Variants in LRP1B observed in about 807,000 individuals in gnomAD.
The protein encoded by LRP1B is low-density lipoprotein receptor-related protein 1B.
In LRP1B, 217 loss-of-function variants were observed where a neutral mutation model predicts 556.6. The observed-to-expected ratio is 0.39, with a 90% confidence interval of 0.35 to 0.44. LRP1B has a LOEUF of 0.44. Among genes scored for constraint, LRP1B ranks in the 20% least tolerant of loss-of-function variants. LRP1B has a pLI of 1.00. For synonymous variants in LRP1B, 2,047 were observed against 1,865.8 expected, an observed-to-expected ratio of 1.10 and a Z score of -2.50; for missense variants, 5,053 against 5,620.8, an observed-to-expected ratio of 0.90 and a Z score of 3.23.
chr2:141,449,084 C>T (rs1681308953), intron 3 of LRP1B, among the ~76,000 whole-genome samples: 1 of 152,166 alleles, frequency 6.6e-6, no homozygotes, highest in Non-Finnish European at 1.5e-5. Context: ...TGAAATCTTC[C>T]TTTCCTTAAC....
chr2:140,327,963 CCCT>C (rs1388371147), intron 79 of LRP1B, among the ~76,000 whole-genome samples: 5 of 151,832 alleles, frequency 3.3e-5, no homozygotes, highest in Admixed American at 1.3e-4. Flanking sequence ...TTCTATTAAG[CCCT>C]TTAATAAAAG....
At chr2:141,992,136 T>C (rs1702362754) in intron 1 of LRP1B, among the ~76,000 whole-genome samples, 1 of 152,078 alleles carries the variant, frequency 6.6e-6, no homozygotes, top group South Asian at 2.1e-4. Flanking sequence ...TACTGTATTG[T>C]TTTCATTTGT....
rs369966246 is a variant in LRP1B, at chr2:140,352,967, G to A, written c.11636C>T (p.Thr3879Ile). 6.2e-7 allele frequency: 1 copy of A among 1,611,980 alleles called. No individual in the cohort carries two copies. The highest frequency in any genetic ancestry group is 2.2e-5 in the East Asian group (1 of 44,582). The change falls in exon 76 of 91, where the codon ACC (threonine) becomes ATC (isoleucine). Residue 3879 changes from threonine (T) to isoleucine (I), a missense_variant. Thr to Ile is a moderately conservative substitution (Grantham distance 89). Transcript: ENST00000389484. ...CDQNFQERNN[T>I]CIAEGSEDQV... is the part of the protein sequence containing the mutation. ...TATAATCTTACCTTCTGCTATGCAG[G>A]TGTTATTTCTTTCTTGAAAATTCTG...
At chr2:140,594,777 A>C (rs988554336) in intron 43 of LRP1B, among the ~76,000 whole-genome samples, 1 of 152,038 alleles carries the variant, frequency 6.6e-6, no homozygotes, top group Non-Finnish European at 1.5e-5. Context: ...ATGCAAAATA[A>C]ATGTTCCCTT....
intron 7 of LRP1B, among the ~76,000 whole-genome samples, chr2:141,076,678 A>AT (rs750913863): frequency 6.6e-6 from 1 of 152,200 alleles, no homozygotes; most frequent in African/African-American, 2.4e-5. Context: ...TATTAGAAAC[A>AT]TTTTTTAACC....
At chr2:140,599,077 T>C (rs144311429) in intron 42 of LRP1B, among the ~76,000 whole-genome samples, 1 of 152,230 alleles carries the variant, frequency 6.6e-6, no homozygotes, top group African/African-American at 2.4e-5. Flanking sequence ...TGTGTATTCC[T>C]TCAAATGATA....
chr2:141,859,599 T>C (rs1320814570), intron 1 of LRP1B, among the ~76,000 whole-genome samples: 2 of 152,204 alleles, frequency 1.3e-5, no homozygotes, highest in African/African-American at 2.4e-5. Flanking sequence ...AGGGAAACTA[T>C]AGCTAACAAT....
chr2:142,021,837 A>C (rs6429943), intron 1 of LRP1B, among the ~76,000 whole-genome samples: 147,081 of 152,178 alleles, frequency 0.97, 71,104 homozygotes, highest in East Asian at 1. Context: ...AAAAAATATA[A>C]TATTTTTGCA....
chr2:142,124,419 T>C (rs1707566538), intron 1 of LRP1B, among the ~76,000 whole-genome samples: 1 of 151,930 alleles, frequency 6.6e-6, no homozygotes, highest in South Asian at 2.1e-4. Flanking sequence ...AAAATTATTA[T>C]AGTCATATTT....
chr2:141,611,071 G>C (rs1031703246), intron 2 of LRP1B, among the ~76,000 whole-genome samples: 1 of 152,166 alleles, frequency 6.6e-6, no homozygotes, highest in African/African-American at 2.4e-5. Context: ...ATCTCTAGCT[G>C]CTAGAATCAA....
intron 1 of LRP1B, among the ~76,000 whole-genome samples, chr2:142,124,397 T>C (rs1707565650): frequency 6.6e-6 from 1 of 151,966 alleles, no homozygotes; most frequent in South Asian, 2.1e-4. Context: ...TAAGTTAATG[T>C]GACTGCATAT....
intron 66 of LRP1B, among the ~76,000 whole-genome samples, chr2:140,390,102 C>T (rs35724602): frequency 1.5e-4 from 23 of 151,810 alleles, no homozygotes; most frequent in African/African-American, 5.6e-4. Flanking sequence ...GCACTCCAGC[C>T]TAGGTGACAA....
chr2:141,496,499 C>T (rs536403623), intron 2 of LRP1B, among the ~76,000 whole-genome samples: 15 of 152,134 alleles, frequency 9.9e-5, no homozygotes, highest in Non-Finnish European at 8.8e-5. Flanking sequence ...TCTGGAAATA[C>T]GTTCATTGAA....
chr2:141,365,647 T>C, intron 3 of LRP1B, among the ~76,000 whole-genome samples: 1 of 144,648 alleles, frequency 6.9e-6, no homozygotes, highest in African/African-American at 2.6e-5. Context: ...TTTGGTTTGT[T>C]TTTGTTGCTT....
intron 33 of LRP1B, 94 bp downstream of exon 33, chr2:140,776,004 A>G (rs13009144): frequency 0.3 from 329,129 of 1,082,458 alleles, 51,622 homozygotes; most frequent in Non-Finnish European, 0.32. Context: ...TAGAAGCAAG[A>G]ATAGAAACCT....
chr2:141,643,433 T>A (rs1206377945), intron 2 of LRP1B, among the ~76,000 whole-genome samples: 2 of 152,166 alleles, frequency 1.3e-5, no homozygotes, highest in African/African-American at 4.8e-5. Flanking sequence ...AGCCTACATA[T>A]ATATTTAAAG....
chr2:140,640,819 A>G (rs1038310560), intron 41 of LRP1B, among the ~76,000 whole-genome samples: 11 of 152,300 alleles, frequency 7.2e-5, no homozygotes, highest in East Asian at 3.9e-4. Context: ...TATAAGGCCC[A>G]TAAGAGAGCC....
In LRP1B at chr2:141,623,283, T is replaced by C. The variant is rs144990249; in HGVS notation, c.206-142750A>G. 3.2e-3 allele frequency among the ~76,000 whole-genome samples: 490 copies of C among 152,324 alleles called. 10 individuals carry two copies. The highest frequency in any genetic ancestry group is 1.1e-3 in the Non-Finnish European group (77 of 68,024). On this transcript the variant is annotated intron_variant, in intron 2 of 90. Coordinates refer to ENST00000389484, the MANE Select transcript of LRP1B (RefSeq NM_018557.3). The stretch of plus-strand genomic sequence containing the variant: ...CATTCTTCAAAATCAATCAAATAAA[T>C]TGCAGAGTTTTGCCATTTATTTGTT...
intron 1 of LRP1B, among the ~76,000 whole-genome samples, chr2:141,815,915 C>T (rs180784080): frequency 2.4e-4 from 36 of 152,178 alleles, no homozygotes; most frequent in Admixed American, 2.3e-3. Context: ...ACTCTGGACA[C>T]AGTAGAACAG....
Sources: gnomAD v4.1 joint callset for allele counts (sites outside exome capture counted in the v4.1 genomes callset) on GRCh38, gnomAD v4.1.1 for gene constraint, MANE v1.5 for transcripts, NCBI Gene and HGNC (gene_info 2026-07-23, HGNC 2026-07-21) for gene names.